The following NEK5 variants were observed in gnomAD, a reference collection of about 807,000 sequenced individuals.
NEK5 encodes the protein serine/threonine-protein kinase Nek5.
NEK5 carries 88 observed loss-of-function variants against 109.2 expected under a neutral mutation model. The observed-to-expected ratio is 0.81, with a 90% CI of 0.68 to 0.96. The LOEUF is 0.96. Among genes scored for constraint, NEK5 ranks in the 40% least tolerant of loss-of-function variants. The pLI, the probability that NEK5 is intolerant of heterozygous loss-of-function variation, is 0.00. For missense variants in NEK5, 834 were observed against 920.7 expected (o/e 0.91, Z 1.22); for synonymous variants, 283 against 299.9 (o/e 0.94, Z 0.58).
intron 23 of NEK5, among the ~76,000 whole-genome samples, chr13:52,046,661 G>A (rs1269484715): frequency 1.3e-5 from 2 of 151,760 alleles, no homozygotes; most frequent in African/African-American, 2.4e-5. Context: ...AGCCCAGGAG[G>A]TCGAGGCTGC....
chr13:52,072,703 AT>A (rs759081719), intron 19 of NEK5, among the ~76,000 whole-genome samples: 202 of 152,332 alleles, frequency 1.3e-3, no homozygotes, highest in Middle Eastern at 3.4e-3. Context: ...AATGCTAACT[AT>A]CACCACTCTA....
At chr13:52,094,719 A>T (rs1436743875) in intron 12 of NEK5, among the ~76,000 whole-genome samples, 2 of 152,220 alleles carry the variant, frequency 1.3e-5, no homozygotes, top group Non-Finnish European at 2.9e-5. Context: ...GCTTGCAGTG[A>T]GCCAAGATCG....
At chr13:52,077,299 C>T (rs1710143879) in intron 17 of NEK5, among the ~76,000 whole-genome samples, 1 of 152,174 alleles carries the variant, frequency 6.6e-6, no homozygotes, top group African/African-American at 2.4e-5. Flanking sequence ...AATTCCGCAC[C>T]TGAAACAACC....
At position 52,065,352 on chromosome 13, in the gene NEK5, A is replaced by G. The variant is rs372914742; in HGVS notation, c.1975+132T>C. 5.5e-6 allele frequency: 7 copies of G among 1,263,736 alleles called. No homozygotes were observed. The Admixed American group carries it at 6.7e-5, about 12-fold the overall frequency. 78.3% of individuals were successfully genotyped at this position (1,263,736 alleles called of 1,614,324 possible). ...AGGCATAGGGAGATATCAAAACAAC[A>G]TATTTGAAAGTGTCTGATACAAGAT... On this transcript the variant is annotated intron_variant, in intron 21 of 23. Transcript: ENST00000684899.
At chr13:52,100,867 C>A (rs1456314734) in intron 11 of NEK5, among the ~76,000 whole-genome samples, 2 of 152,186 alleles carry the variant, frequency 1.3e-5, no homozygotes, top group African/African-American at 2.4e-5. Context: ...GGCTCATTCA[C>A]TTTCTCTTTA....
chr13:52,076,729 A>G (rs1954876151), intron 17 of NEK5, among the ~76,000 whole-genome samples: 1 of 152,146 alleles, frequency 6.6e-6, no homozygotes, highest in Non-Finnish European at 1.5e-5. Flanking sequence ...GTGTATCTTC[A>G]GGCTTCACTT....
chr13:52,087,836 A>G (rs1158610964), intron 14 of NEK5, among the ~76,000 whole-genome samples: 2 of 151,964 alleles, frequency 1.3e-5, no homozygotes, highest in African/African-American at 2.4e-5. Context: ...TGTGTTAGCC[A>G]GGATGGTCTC....
chr13:52,106,288 C>G (rs1416554315), intron 8 of NEK5, among the ~76,000 whole-genome samples: 1 of 152,130 alleles, frequency 6.6e-6, no homozygotes, highest in Non-Finnish European at 1.5e-5. Flanking sequence ...CTTCAAAGTC[C>G]AATAGCCAAG....
chr13:52,064,259 C>T (rs1243596924), intron 21 of NEK5, among the ~76,000 whole-genome samples: 4 of 142,948 alleles, frequency 2.8e-5, no homozygotes, highest in Non-Finnish European at 4.7e-5. Flanking sequence ...CCAGCCGCCC[C>T]GTCCGGGAGG....
At chr13:52,051,846 A>C (rs1298664663) in intron 22 of NEK5, among the ~76,000 whole-genome samples, 1 of 152,206 alleles carries the variant, frequency 6.6e-6, no homozygotes, top group East Asian at 1.9e-4. Flanking sequence ...CTTTACCCTA[A>C]AACAATTCTG....
At chr13:52,113,234 G>T (rs1345531831) in intron 4 of NEK5, among the ~76,000 whole-genome samples, 1 of 151,878 alleles carries the variant, frequency 6.6e-6, no homozygotes, top group African/African-American at 2.4e-5. Context: ...CCACATTAAA[G>T]AAAAGAGACT....
intron 19 of NEK5, among the ~76,000 whole-genome samples, chr13:52,073,794 G>A (rs1400402531): frequency 3.3e-5 from 5 of 151,866 alleles, no homozygotes; most frequent in African/African-American, 4.8e-5. Flanking sequence ...ATACAATATC[G>A]AAGTACAATA....
At chr13:52,092,867 C>T (rs926320868) in intron 13 of NEK5, among the ~76,000 whole-genome samples, 187 bp downstream of exon 13, 5 of 152,128 alleles carry the variant, frequency 3.3e-5, no homozygotes, top group Non-Finnish European at 5.9e-5. Context: ...GCCTAGGCAT[C>T]AGAGTGAGAC....
At chr13:52,045,351 C>T (rs1954448313) in intron 23 of NEK5, among the ~76,000 whole-genome samples, 1 of 149,460 alleles carries the variant, frequency 6.7e-6, no homozygotes, top group Non-Finnish European at 1.5e-5. Flanking sequence ...AGGATGGTCT[C>T]GATCTCCTGA....
chr13:52,105,842 C>T (rs1011620447), intron 8 of NEK5, among the ~76,000 whole-genome samples: 4 of 152,124 alleles, frequency 2.6e-5, no homozygotes, highest in African/African-American at 9.7e-5. Flanking sequence ...ACAAACTATG[C>T]ATATTTTAAA....
chr13:52,049,645 CACTA>C (rs1954487329), intron 23 of NEK5, among the ~76,000 whole-genome samples: 1 of 150,674 alleles, frequency 6.6e-6, no homozygotes, highest in African/African-American at 2.4e-5. Context: ...AATACACTAA[CACTA>C]ACAACAGCTG....
chr13:52,066,091 G>T (rs998079811), intron 20 of NEK5, among the ~76,000 whole-genome samples: 5 of 151,274 alleles, frequency 3.3e-5, no homozygotes, highest in African/African-American at 1.2e-4. Context: ...TATGGTTTTT[G>T]CTTTGTTTTG....
chr13:52,116,922 CT>C (rs879560785), intron 4 of NEK5, among the ~76,000 whole-genome samples: 397 of 143,680 alleles, frequency 2.8e-3, no homozygotes, highest in African/African-American at 3.6e-3. Context: ...ATCCTATTTT[CT>C]TTTTTTTTTT....
intron 13 of NEK5, among the ~76,000 whole-genome samples, chr13:52,090,389 T>C (rs1955253568): frequency 6.6e-6 from 1 of 152,168 alleles, no homozygotes; most frequent in African/African-American, 2.4e-5. Context: ...GCATCCCCAA[T>C]TTACAAAGAG....
Sources: allele counts gnomAD v4.1 joint callset (sites outside exome capture counted in the v4.1 genomes callset), GRCh38; gene constraint gnomAD v4.1.1; transcripts MANE v1.5; gene names NCBI Gene and HGNC (gene_info 2026-07-23, HGNC 2026-07-21).